Variants in LRP1B observed in about 807,000 individuals in gnomAD.
LRP1B encodes low-density lipoprotein receptor-related protein 1B.
A neutral mutation model predicts 556.6 loss-of-function variants in LRP1B; 217 were observed. That is an observed-to-expected ratio of 0.39 (90% CI 0.35 to 0.44). The LOEUF (loss-of-function observed/expected upper bound fraction) is 0.44. Ranked by LOEUF, LRP1B falls within the 20% of genes least tolerant of loss-of-function variation. The pLI, the probability that LRP1B is intolerant of heterozygous loss-of-function variation, is 1.00. For synonymous variants in LRP1B, 2,047 were observed against 1,865.8 expected (o/e 1.10, Z -2.50); for missense variants, 5,053 against 5,620.8 (o/e 0.90, Z 3.23).
intron 41 of LRP1B, among the ~76,000 whole-genome samples, chr2:140,614,518 C>A (rs941291920): frequency 2.2e-4 from 33 of 152,056 alleles, no homozygotes; most frequent in Admixed American, 1.7e-3. Context: ...GATTGAATAT[C>A]TATTCTAAAC....
chr2:140,389,930 ACCAGCCTGGCCAACTGATTGAAACC>A (rs906882704), intron 66 of LRP1B, among the ~76,000 whole-genome samples: 3 of 151,966 alleles, frequency 2.0e-5, no homozygotes, highest in Non-Finnish European at 4.4e-5. Context: ...GGAGTTCAAG[ACCAGCCTGGCCAACTGATTGAAACC>A]CCATCTCTAC....
chr2:141,728,504 A>T (rs10427243), intron 2 of LRP1B, among the ~76,000 whole-genome samples: 15,172 of 152,068 alleles, frequency 0.1, 1,243 homozygotes, highest in African/African-American at 0.22. Context: ...AGGAAGAATA[A>T]AATGCAAGTT....
intron 3 of LRP1B, among the ~76,000 whole-genome samples, chr2:141,376,574 G>A (rs1239201780): frequency 6.6e-6 from 1 of 152,048 alleles, no homozygotes; most frequent in Non-Finnish European, 1.5e-5. Context: ...ATCTTGATCT[G>A]ATCTCTTGCA....
chr2:140,323,553 T>C (rs1680277197), intron 81 of LRP1B, among the ~76,000 whole-genome samples: 1 of 151,788 alleles, frequency 6.6e-6, no homozygotes, highest in Non-Finnish European at 1.5e-5. Flanking sequence ...TGTATACATA[T>C]GTAACAAACC....
chr2:140,633,082 G>T (rs1043945072), intron 41 of LRP1B, among the ~76,000 whole-genome samples: 3 of 148,492 alleles, frequency 2.0e-5, no homozygotes, highest in Non-Finnish European at 4.5e-5. Flanking sequence ...AAAAAAAAAA[G>T]AAAAGAAAAA....
At chr2:140,353,765 A>G (rs1437201494) in intron 75 of LRP1B, among the ~76,000 whole-genome samples, 2 of 152,084 alleles carry the variant, frequency 1.3e-5, no homozygotes, top group African/African-American at 4.8e-5. Flanking sequence ...GAGGACATAA[A>G]TTATGATACA....
At chr2:141,315,882 CTTTTTTTTTTTTT>C (rs70991157) in intron 3 of LRP1B, among the ~76,000 whole-genome samples, 14 of 18,142 alleles carry the variant, frequency 7.7e-4, no homozygotes, top group Admixed American at 2.2e-3. Context: ...TTAGTCTGGT[CTTTTTTTTTTTTT>C]TTTTTTTTTT....
chr2:141,383,869 G>A (rs933499923), intron 3 of LRP1B, among the ~76,000 whole-genome samples: 1 of 149,568 alleles, frequency 6.7e-6, no homozygotes, highest in Non-Finnish European at 1.5e-5. Context: ...GAAATGGAGA[G>A]ACATTGGTCA....
chr2:140,896,181 A>T (rs1693947658), intron 23 of LRP1B, among the ~76,000 whole-genome samples: 1 of 152,158 alleles, frequency 6.6e-6, no homozygotes, highest in African/African-American at 2.4e-5. Context: ...TTGAATTATA[A>T]TTATTAATAA....
chr2:141,076,084 AG>A (rs1360850563), intron 7 of LRP1B, among the ~76,000 whole-genome samples: 2 of 152,152 alleles, frequency 1.3e-5, no homozygotes, highest in Admixed American at 6.5e-5. Flanking sequence ...GTAAGGCAAA[AG>A]TTCTGTAAAG....
chr2:141,609,666 G>A (rs1462624679), intron 2 of LRP1B, among the ~76,000 whole-genome samples: 1 of 152,152 alleles, frequency 6.6e-6, no homozygotes, highest in Non-Finnish European at 1.5e-5. Context: ...TCAAAAACGA[G>A]CTCTGGCACT....
chr2:140,600,727 A>AGGTATTTT (rs1178385504), intron 42 of LRP1B, among the ~76,000 whole-genome samples: 2 of 110,890 alleles, frequency 1.8e-5, no homozygotes, highest in Non-Finnish European at 3.9e-5. Flanking sequence ...GTCCATAGAT[A>AGGTATTTT]GGTATTTTTT....
chr2:140,777,679 A>G (rs1689547167), intron 32 of LRP1B, among the ~76,000 whole-genome samples: 1 of 152,208 alleles, frequency 6.6e-6, no homozygotes, highest in Admixed American at 6.5e-5. Context: ...TAATTTAGAA[A>G]AAATCCTTTT....
chr2:142,092,071 G>A (rs1443693667), intron 1 of LRP1B, among the ~76,000 whole-genome samples: 1 of 152,210 alleles, frequency 6.6e-6, no homozygotes, highest in Admixed American at 6.5e-5. Context: ...CAGAATGATT[G>A]TGGGTCACCA....
rs147434568 is a variant in LRP1B at position 141,426,836 on chromosome 2, A to G, written c.343+53560T>C. Among the ~76,000 whole-genome samples the G allele has an allele frequency of 1.1e-3, 175 of 152,262 alleles. 4 individuals are homozygous for G. In the East Asian group the frequency reaches 0.033, roughly 28 times the overall value. On this transcript the variant is annotated intron_variant, in intron 3 of 90. Transcript: ENST00000389484. ...TTACACAGAACTTTTCCAATATTTT[A>G]TTTTCTTATTAGATTTTATGAAAAC... is the stretch of plus-strand genomic sequence containing the variant.
At chr2:141,675,010 T>C (rs1690821557) in intron 2 of LRP1B, among the ~76,000 whole-genome samples, 1 of 152,058 alleles carries the variant, frequency 6.6e-6, no homozygotes, top group Admixed American at 6.6e-5. Flanking sequence ...CACTCACTTA[T>C]GACTGAGCAT....
intron 1 of LRP1B, among the ~76,000 whole-genome samples, chr2:142,080,069 A>G (rs1177530981): frequency 6.7e-6 from 1 of 150,328 alleles, no homozygotes; most frequent in Non-Finnish European, 1.5e-5. Flanking sequence ...GTACACAGCC[A>G]TGTTGGGCTT....
At chr2:141,625,185 T>A (rs1385040271) in intron 2 of LRP1B, among the ~76,000 whole-genome samples, 1 of 152,240 alleles carries the variant, frequency 6.6e-6, no homozygotes, top group African/African-American at 2.4e-5. Context: ...TTCTTCGCAC[T>A]TTTTAAGTCA....
intron 3 of LRP1B, among the ~76,000 whole-genome samples, chr2:141,412,478 T>A (rs1057503454): frequency 6.6e-6 from 1 of 152,162 alleles, no homozygotes; most frequent in African/African-American, 2.4e-5. Context: ...TTCCAAATAA[T>A]CAAGACAGAA....
Sources: gnomAD v4.1 joint callset for allele counts (sites outside exome capture counted in the v4.1 genomes callset) on GRCh38, gnomAD v4.1.1 for gene constraint, MANE v1.5 for transcripts, NCBI Gene and HGNC (gene_info 2026-07-23, HGNC 2026-07-21) for gene names.